Variants in AGBL4 observed in about 807,000 individuals in gnomAD.
AGBL4 encodes the protein cytosolic carboxypeptidase 6.
AGBL4 carries 58 observed loss-of-function variants against 66.4 expected under a neutral mutation model. That is an observed-to-expected ratio of 0.87 (90% confidence interval 0.71 to 1.09). The LOEUF (loss-of-function observed/expected upper bound fraction) is 1.09, where lower values mean the gene tolerates loss of function less well. Among genes scored for constraint, AGBL4 ranks in the 50% least tolerant of loss-of-function variants. AGBL4 has a pLI of 0.00. For synonymous variants in AGBL4, 234 were observed against 222.9 expected, an observed-to-expected ratio of 1.05 and a Z score of -0.44; for missense variants, 579 against 631.0, an observed-to-expected ratio of 0.92 and a Z score of 0.88.
intron 3 of AGBL4, among the ~76,000 whole-genome samples, chr1:49,389,822 C>A (rs1644810444): frequency 6.6e-6 from 1 of 152,144 alleles, no homozygotes; most frequent in Non-Finnish European, 1.5e-5. Flanking sequence ...GAAGCCATGG[C>A]TCACATTTCT....
chr1:48,599,119 T>C (rs1344504079), intron 9 of AGBL4, among the ~76,000 whole-genome samples: 1 of 152,186 alleles, frequency 6.6e-6, no homozygotes, highest in Non-Finnish European at 1.5e-5. Flanking sequence ...CTGGAAGGTC[T>C]TCAGGGACAA....
chr1:49,448,273 C>T (rs983477827), intron 3 of AGBL4, among the ~76,000 whole-genome samples: 1 of 152,136 alleles, frequency 6.6e-6, no homozygotes, highest in African/African-American at 2.4e-5. Flanking sequence ...GGATCAAGGT[C>T]TCAAATAATG....
chr1:48,533,718 T>C lies in AGBL4; in HGVS notation c.*455A>G, dbSNP rs1000020834. Reference sequence around the variant, plus strand: ...ATTTGCCCTTTGGTTGCATGTGTTGTTGCTGTTGTTTTGGATCAGAAAATA... The same window carrying C: ...ATTTGCCCTTTGGTTGCATGTGTTGCTGCTGTTGTTTTGGATCAGAAAATA... On this transcript the variant is annotated 3_prime_UTR_variant, in exon 14 of 14. Transcript: ENST00000371839. 6.8e-5 allele frequency: 13 copies of C among 191,708 alleles called. No individual in the cohort carries two copies. Among genetic ancestry groups the C allele is most frequent in the Non-Finnish European group, 1.3e-4 (12 of 93,462 alleles). 11.9% of individuals were successfully genotyped at this position (191,708 alleles called of 1,614,324 possible).
intron 3 of AGBL4, 153 bp downstream of exon 3, chr1:49,697,160 T>G: frequency 1.3e-6 from 1 of 776,794 alleles, no homozygotes. Context: ...ATTGTATCTA[T>G]TTCTCTGCAT....
At chr1:48,667,541 C>G (rs1314973750) in intron 6 of AGBL4, among the ~76,000 whole-genome samples, 1 of 152,228 alleles carries the variant, frequency 6.6e-6, no homozygotes, top group Admixed American at 6.5e-5. Flanking sequence ...TAAGCTGTTC[C>G]CACATTCTTG....
At chr1:48,878,691 C>A (rs893156243) in intron 5 of AGBL4, among the ~76,000 whole-genome samples, 4 of 152,164 alleles carry the variant, frequency 2.6e-5, no homozygotes, top group African/African-American at 9.7e-5. Flanking sequence ...GTATCTCCAG[C>A]TCCTACCACT....
At chr1:49,498,653 G>GA (rs1026061207) in intron 3 of AGBL4, among the ~76,000 whole-genome samples, 3 of 150,182 alleles carry the variant, frequency 2.0e-5, no homozygotes, top group Non-Finnish European at 4.5e-5. Flanking sequence ...CCTGTTCTTA[G>GA]AAAAAAAAAG....
intron 1 of AGBL4, among the ~76,000 whole-genome samples, chr1:49,978,410 C>G (rs1658761704): frequency 6.6e-6 from 1 of 152,196 alleles, no homozygotes; most frequent in East Asian, 1.9e-4. Flanking sequence ...TGCCACTGCC[C>G]TCTAGCCTAG....
chr1:49,167,076 T>G (rs1404343481), intron 4 of AGBL4, among the ~76,000 whole-genome samples: 1 of 152,190 alleles, frequency 6.6e-6, no homozygotes, highest in Non-Finnish European at 1.5e-5. Context: ...ACATAATTGT[T>G]AGTTTTCCTA....
intron 4 of AGBL4, among the ~76,000 whole-genome samples, chr1:49,056,568 A>C (rs547346948): frequency 5.3e-5 from 8 of 152,292 alleles, no homozygotes; most frequent in African/African-American, 1.9e-4. Context: ...TAAGAATGTC[A>C]GTGTGAATAA....
intron 2 of AGBL4, among the ~76,000 whole-genome samples, chr1:49,747,476 A>G (rs1019120709): frequency 6.6e-6 from 1 of 152,190 alleles, no homozygotes; most frequent in Non-Finnish European, 1.5e-5. Context: ...ATCCCACAAG[A>G]GCAATTGTGA....
At chr1:48,747,926 C>T (rs557217445) in intron 6 of AGBL4, among the ~76,000 whole-genome samples, 29 of 152,122 alleles carry the variant, frequency 1.9e-4, no homozygotes, top group African/African-American at 6.7e-4. Context: ...TTTTTTCTTT[C>T]TTTCTTTTTT....
intron 6 of AGBL4, among the ~76,000 whole-genome samples, chr1:48,810,690 A>G (rs1454902801): frequency 6.6e-6 from 1 of 152,228 alleles, no homozygotes; most frequent in African/African-American, 2.4e-5. Flanking sequence ...CAACAAATAA[A>G]TGAACTTTAC....
intron 5 of AGBL4, among the ~76,000 whole-genome samples, chr1:49,013,876 T>G (rs1436062320): frequency 2.0e-5 from 3 of 152,222 alleles, no homozygotes; most frequent in African/African-American, 4.8e-5. Context: ...CATTCTTTCA[T>G]GCTTTGAGAT....
At chr1:49,122,916 C>T (rs905254151) in intron 4 of AGBL4, among the ~76,000 whole-genome samples, 16 of 152,020 alleles carry the variant, frequency 1.1e-4, no homozygotes, top group African/African-American at 3.4e-4. Flanking sequence ...TGCAGTGGTG[C>T]GATCTCGGCT....
intron 3 of AGBL4, among the ~76,000 whole-genome samples, chr1:49,601,449 G>A (rs955510125): frequency 7.3e-5 from 11 of 151,304 alleles, no homozygotes; most frequent in East Asian, 2.0e-4. Context: ...TATGCTTCAC[G>A]AAGTTCTACA....
chr1:49,040,538 C>G (rs1347675809), intron 5 of AGBL4, among the ~76,000 whole-genome samples: 2 of 152,050 alleles, frequency 1.3e-5, no homozygotes, highest in East Asian at 3.9e-4. Context: ...TAAGTCCAAA[C>G]CGAAATCCAT....
At chr1:49,916,895 AC>A (rs1413336887) in intron 1 of AGBL4, among the ~76,000 whole-genome samples, 1 of 152,170 alleles carries the variant, frequency 6.6e-6, no homozygotes, top group Non-Finnish European at 1.5e-5. Context: ...CTCGGCAGAA[AC>A]CCTACAAGCC....
chr1:49,481,122 C>A (rs869192992), intron 3 of AGBL4, among the ~76,000 whole-genome samples: 1 of 151,948 alleles, frequency 6.6e-6, no homozygotes, highest in African/African-American at 2.4e-5. Context: ...GGGTTCTTTT[C>A]GGTTCCACAT....
Sources: allele counts gnomAD v4.1 joint callset (sites outside exome capture counted in the v4.1 genomes callset), GRCh38; gene constraint gnomAD v4.1.1; transcripts MANE v1.5; gene names NCBI Gene and HGNC (gene_info 2026-07-23, HGNC 2026-07-21).